Variants in ZNF704 observed in about 807,000 individuals in gnomAD.
ZNF704 encodes zinc finger protein 704.
A neutral mutation model predicts 44.7 loss-of-function variants in ZNF704; 10 were observed. That is an observed-to-expected ratio of 0.22 (90% CI 0.14 to 0.38). ZNF704 has a LOEUF of 0.38. Ranked by LOEUF, ZNF704 falls within the 10% of genes least tolerant of loss-of-function variation. The pLI, the probability that ZNF704 is intolerant of heterozygous loss-of-function variation, is 1.00. For missense variants in ZNF704, 390 were observed against 545.5 expected, an observed-to-expected ratio of 0.71 and a Z score of 2.84; for synonymous variants, 211 against 207.6, an observed-to-expected ratio of 1.02 and a Z score of -0.14.
In ZNF704 at chr8:80,822,764, T is replaced by C. The variant is rs1026220057; in HGVS notation, c.-21-1149A>G. ...CTAACTGGTGTGAGATGGTATCTCA[T>C]TGTGGTTTCGATTTGCATTTCTCTG... On this transcript the variant is annotated intron_variant, in intron 1 of 8. Transcript: ENST00000327835. 3.9e-5 allele frequency among the ~76,000 whole-genome samples: 6 copies of C among 152,184 alleles called. 1 individual carries two copies. The highest frequency in any genetic ancestry group is 4.1e-4 in the South Asian group (2 of 4,836).
In ZNF704 at chr8:80,670,505, C is replaced by T; in HGVS notation, c.657G>A (p.Leu219=). The T allele has an allele frequency of 6.2e-7, 1 of 1,613,182 alleles. No homozygotes were observed. The highest frequency in any genetic ancestry group is 8.5e-7 in the Non-Finnish European group (1 of 1,179,270). ...GIQKHIRTIH[L]GRVGDSDYSD... ...CCCTGAAGAGAGAGCTGCCTTACCC[C>T]AGATGGATGGTTCGGATGTGTTTCT... Residue 219 remains leucine, a splice_region_variant and synonymous_variant, in exon 5 of 9, where the codon CTG becomes CTA. Coordinates refer to ENST00000327835, the MANE Select transcript of ZNF704 (RefSeq NM_001033723.3).
intron 3 of ZNF704, among the ~76,000 whole-genome samples, chr8:80,689,479 A>T (rs1422030442): frequency 6.6e-6 from 1 of 152,222 alleles, no homozygotes; most frequent in East Asian, 1.9e-4. Flanking sequence ...CGCTCACCAG[A>T]CTAGATTTGC....
chr8:80,817,964 T>A (rs945881894), intron 2 of ZNF704, among the ~76,000 whole-genome samples: 10 of 152,166 alleles, frequency 6.6e-5, no homozygotes, highest in African/African-American at 1.7e-4. Context: ...ACCTCACTCA[T>A]CATTTTTACT....
At chr8:80,767,515 C>T (rs770869719) in intron 2 of ZNF704, among the ~76,000 whole-genome samples, 59 of 152,154 alleles carry the variant, frequency 3.9e-4, no homozygotes, top group Non-Finnish European at 4.4e-4. Context: ...TTTCTACTCA[C>T]ATATAATTTT....
At position 80,822,618 on chromosome 8, in the gene ZNF704, C is replaced by T. The variant is rs150093379; in HGVS notation, c.-21-1003G>A. On this transcript the variant is annotated intron_variant, in intron 1 of 8. Transcript: ENST00000327835. ...CTAGTTCTAGATCCCTGAGGAATCG[C>T]CACACTGACTTCCACAATGGTTGAA... Among the ~76,000 whole-genome samples, 441 of 152,298 alleles carry T rather than the reference C, an allele frequency of 2.9e-3. 2 individuals carry two copies. Among genetic ancestry groups the T allele is most frequent in the African/African-American group, 0.01 (421 of 41,570 alleles).
At chr8:80,819,720 T>C (rs1455328214) in intron 2 of ZNF704, among the ~76,000 whole-genome samples, 1 of 152,144 alleles carries the variant, frequency 6.6e-6, no homozygotes. Context: ...TAACTTAACA[T>C]GTATTTATAC....
At position 80,639,551 on chromosome 8, in the gene ZNF704, T is replaced by C. The variant is rs1159801778; in HGVS notation, c.*1815A>G. 1 of 152,174 alleles carries C rather than the reference T, an allele frequency of 6.6e-6. No individual in the cohort carries two copies. Among genetic ancestry groups the C allele is most frequent in the Non-Finnish European group, 1.5e-5 (1 of 68,026 alleles). 9.4% of individuals were successfully genotyped at this position (152,174 alleles called of 1,614,324 possible). A position where few individuals can be genotyped will look rare whatever the true frequency, so the allele number is the denominator to read the frequency against. On this transcript the variant is annotated 3_prime_UTR_variant, in exon 9 of 9. Transcript: ENST00000327835. ...TCTTTTTCTCTTCTCTTAAAATAAA[T>C]GTTTTTAAAGAAAAAAATAAATGAA...
chr8:80,810,859 C>T (rs1382454283), intron 2 of ZNF704, among the ~76,000 whole-genome samples: 2 of 152,166 alleles, frequency 1.3e-5, no homozygotes, highest in African/African-American at 4.8e-5. Context: ...TAAATACTGC[C>T]TGGCCCACAG....
At chr8:80,839,570 T>C (rs1199530866) in intron 1 of ZNF704, among the ~76,000 whole-genome samples, 1 of 152,246 alleles carries the variant, frequency 6.6e-6, no homozygotes. Flanking sequence ...CATATCTGCT[T>C]ATCATAAACG....
intron 2 of ZNF704, among the ~76,000 whole-genome samples, chr8:80,753,488 G>A (rs1336272052): frequency 6.6e-6 from 1 of 151,964 alleles, no homozygotes; most frequent in Non-Finnish European, 1.5e-5. Flanking sequence ...AACTGGTTTG[G>A]TTCCAGTGCT....
At chr8:80,859,522 A>C (rs971035597) in intron 1 of ZNF704, among the ~76,000 whole-genome samples, 1 of 152,170 alleles carries the variant, frequency 6.6e-6, no homozygotes, top group Admixed American at 6.5e-5. Flanking sequence ...GCTTAGCCTT[A>C]ACCTGAATGA....
chr8:80,739,626 A>G (rs1806722467), intron 2 of ZNF704, among the ~76,000 whole-genome samples: 1 of 152,126 alleles, frequency 6.6e-6, no homozygotes, highest in African/African-American at 2.4e-5. Context: ...CTCCTTACCT[A>G]TGTCTATAGT....
intron 1 of ZNF704, among the ~76,000 whole-genome samples, chr8:80,873,906 C>T (rs1809307913): frequency 6.8e-6 from 1 of 146,240 alleles, no homozygotes; most frequent in African/African-American, 2.4e-5. Context: ...GGCGCCGGGG[C>T]CGGGCCCGGG....
chr8:80,822,220 G>A (rs920593592), intron 1 of ZNF704, among the ~76,000 whole-genome samples: 10 of 151,698 alleles, frequency 6.6e-5, no homozygotes, highest in Admixed American at 1.3e-4. Context: ...TGCTGCACCC[G>A]TTAACTCATC....
At chr8:80,834,712 T>C (rs912928476) in intron 1 of ZNF704, among the ~76,000 whole-genome samples, 1 of 152,144 alleles carries the variant, frequency 6.6e-6, no homozygotes, top group Non-Finnish European at 1.5e-5. Context: ...GGCCCCGGTG[T>C]GTGATGTTCC....
chr8:80,659,375 ACT>A (rs1818063180), intron 7 of ZNF704, among the ~76,000 whole-genome samples: 1 of 152,140 alleles, frequency 6.6e-6, no homozygotes, highest in Admixed American at 6.5e-5. Context: ...AACAGTTGAA[ACT>A]CTCTTATAGT....
chr8:80,643,046 T>C lies in ZNF704; in HGVS notation c.1116A>G (p.Thr372=). Reference sequence around the variant, plus strand: ...TTAAGCTGTCGTACCTTAAGCTGACTGTGCCTCTGGGTGGGGAGGACAGGA... The same window carrying C: ...TTAAGCTGTCGTACCTTAAGCTGACCGTGCCTCTGGGTGGGGAGGACAGGA... ...HTVLSSPPRG[T]VSLRKPRGEG... is the part of the protein sequence containing the mutation. The change falls in exon 8 of 9, where the codon ACA becomes ACG. Residue 372 remains threonine (T), a synonymous_variant. Transcript: ENST00000327835. 2 of 1,588,076 alleles carry C rather than the reference T, an allele frequency of 1.3e-6. No homozygotes were observed. The highest frequency in any genetic ancestry group is 2.3e-5 in the South Asian group (2 of 87,064).
At chr8:80,821,180 C>A (rs1406037959) in intron 2 of ZNF704, among the ~76,000 whole-genome samples, 194 bp downstream of exon 2, 1 of 152,202 alleles carries the variant, frequency 6.6e-6, no homozygotes, top group Non-Finnish European at 1.5e-5. Context: ...ATAGTTCCAA[C>A]TACAGCAGCC....
chr8:80,838,868 G>T (rs1442749476), intron 1 of ZNF704, among the ~76,000 whole-genome samples: 1 of 151,456 alleles, frequency 6.6e-6, no homozygotes, highest in African/African-American at 2.4e-5. Context: ...CCCCAGTGGT[G>T]GCGGAGAAGG....
Sources: allele counts gnomAD v4.1 joint callset (sites outside exome capture counted in the v4.1 genomes callset), GRCh38; gene constraint gnomAD v4.1.1; transcripts MANE v1.5; gene names NCBI Gene and HGNC (gene_info 2026-07-23, HGNC 2026-07-21).